Variants in ALPK1 observed in about 807,000 individuals in gnomAD.
ALPK1 encodes alpha kinase 1.
Under a neutral mutation model 120.6 loss-of-function variants are expected in ALPK1, and 110 were observed. The observed-to-expected ratio is 0.91, with a 90% CI of 0.78 to 1.07. The LOEUF (loss-of-function observed/expected upper bound fraction) is 1.07, where lower values mean the gene tolerates loss of function less well. ALPK1 is among the 50% of genes least tolerant of loss of function. ALPK1 has a pLI of 0.00. For synonymous variants in ALPK1, 582 were observed against 560.3 expected (o/e 1.04, Z -0.55); for missense variants, 1,498 against 1,483.9 (o/e 1.01, Z -0.16).
intron 1 of ALPK1, among the ~76,000 whole-genome samples, chr4:112,306,057 A>T: frequency 6.6e-6 from 1 of 151,990 alleles, no homozygotes; most frequent in East Asian, 1.9e-4. Context: ...ACATCTATTG[A>T]TTTATGTATG....
At chr4:112,365,156 G>A (rs562574459) in intron 2 of ALPK1, among the ~76,000 whole-genome samples, 1 of 151,996 alleles carries the variant, frequency 6.6e-6, no homozygotes, top group Non-Finnish European at 1.5e-5. Flanking sequence ...AGACAAAGAC[G>A]CCCACTTTCA....
At chr4:112,377,216 AT>A (rs1382577386) in intron 2 of ALPK1, among the ~76,000 whole-genome samples, 1 of 152,200 alleles carries the variant, frequency 6.6e-6, no homozygotes, top group East Asian at 1.9e-4. Context: ...TCCAAATTAT[AT>A]CATGCTAAAT....
intron 2 of ALPK1, among the ~76,000 whole-genome samples, chr4:112,355,426 G>A (rs1457671329): frequency 6.6e-6 from 1 of 152,116 alleles, no homozygotes; most frequent in Non-Finnish European, 1.5e-5. Context: ...GAAGAAGGAG[G>A]AGGTCAGGGC....
chr4:112,415,311 A>G (rs1578553259), intron 5 of ALPK1, among the ~76,000 whole-genome samples: 1 of 152,318 alleles, frequency 6.6e-6, no homozygotes, highest in African/African-American at 2.4e-5. Flanking sequence ...TCACAGGAAA[A>G]TATTCTTGGC....
intron 2 of ALPK1, among the ~76,000 whole-genome samples, chr4:112,321,647 C>T (rs752664599): frequency 6.6e-6 from 1 of 152,124 alleles, no homozygotes; most frequent in Non-Finnish European, 1.5e-5. Context: ...CATGTATTTG[C>T]ATACAACTAT....
intron 2 of ALPK1, chr4:112,358,748 C>A: frequency 1.3e-6 from 1 of 799,520 alleles, no homozygotes. Flanking sequence ...CGGAGGAGCC[C>A]GTGGCTGGTG....
At position 112,377,554 on chromosome 4, in the gene ALPK1, A is replaced by G. The variant is rs112723273; in HGVS notation, c.-100-124A>G. On this transcript the variant is annotated intron_variant, in intron 2 of 15. Transcript: ENST00000650871. ...CTGCAGTAATTTCACACACTCCTCT[A>G]ATAAAGTCCTCGGGGGCTGTCATGT... 1.5e-3 allele frequency: 515 copies of G among 334,872 alleles called. 2 individuals carry two copies. The highest frequency in any genetic ancestry group is 0.01 in the African/African-American group (484 of 47,006). The allele number at this position is 334,872 out of a possible 1,614,324, so 20.7% of individuals were successfully genotyped here.
intron 5 of ALPK1, among the ~76,000 whole-genome samples, chr4:112,421,868 A>C (rs1281871944): frequency 1.3e-5 from 2 of 152,226 alleles, no homozygotes; most frequent in Admixed American, 1.3e-4. Context: ...CAACTTTGGC[A>C]TATGAATTTT....
chr4:112,413,672 G>A (rs925453847), intron 5 of ALPK1, among the ~76,000 whole-genome samples: 19 of 152,214 alleles, frequency 1.2e-4, no homozygotes, highest in Admixed American at 2.0e-4. Context: ...ACCCACCTCG[G>A]CCTCCCAGAA....
rs1731726712 is a variant in ALPK1, at chr4:112,377,669, G to T, written c.-100-9G>T. On this transcript the variant is annotated splice_polypyrimidine_tract_variant and intron_variant, in intron 2 of 15. Coordinates refer to ENST00000650871, the MANE Select transcript of ALPK1 (RefSeq NM_025144.4). ...AGTTAATCATCTTTCCCTCTCTTTT[G>T]TTCACCAGGTACTTCGGCCTTCAAG... The T allele has an allele frequency of 2.0e-5, 21 of 1,068,654 alleles. No individual in the cohort carries two copies. Among genetic ancestry groups the T allele is most frequent in the Non-Finnish European group, 2.3e-5 (18 of 774,146 alleles). The allele number at this position is 1,068,654 out of a possible 1,614,324, so 66.2% of individuals were successfully genotyped here.
At chr4:112,374,160 T>C (rs1382479981) in intron 2 of ALPK1, among the ~76,000 whole-genome samples, 2 of 152,240 alleles carry the variant, frequency 1.3e-5, no homozygotes, top group Admixed American at 6.5e-5. Context: ...TCCTCTTAAA[T>C]CCCGCTGCTG....
intron 4 of ALPK1, among the ~76,000 whole-genome samples, chr4:112,396,642 A>G (rs1732663462): frequency 6.6e-6 from 1 of 152,196 alleles, no homozygotes; most frequent in African/African-American, 2.4e-5. Flanking sequence ...GATCTCAGAA[A>G]CTGATTTCAC....
chr4:112,325,610 A>G (rs890493412), intron 2 of ALPK1, among the ~76,000 whole-genome samples: 1 of 152,162 alleles, frequency 6.6e-6, no homozygotes. Context: ...CATAAAACTT[A>G]CGGGGCAATC....
chr4:112,404,546 A>G (rs1271301629), intron 4 of ALPK1, among the ~76,000 whole-genome samples: 1 of 152,252 alleles, frequency 6.6e-6, no homozygotes, highest in Non-Finnish European at 1.5e-5. Context: ...TTCATCTCAG[A>G]CATTATATCG....
Position 112,440,997 on chromosome 4 carries a change from A to C in ALPK1, c.3619A>C (p.Thr1207Pro), listed in dbSNP as rs1416650098. The stretch of plus-strand genomic sequence containing the variant: ...CTCCGTTGATCAGAAAGTTTTCACT[A>C]CCAATTTTGGAAAGAGAGGAATTTT... Reference protein sequence around the residue: ...IHSVDQKVFTTNFGKRGIFYF... With the variant: ...IHSVDQKVFTPNFGKRGIFYF... Residue 1207 changes from threonine (T) to proline (P), a missense_variant, in exon 15 of 16, where the codon ACC becomes CCC. By Grantham distance (38) the Thr-to-Pro change is conservative (BLOSUM62 -1). Transcript: ENST00000650871. 1 of 1,613,902 alleles carries C rather than the reference A, an allele frequency of 6.2e-7. No homozygotes were observed. The highest frequency in any genetic ancestry group is 2.2e-5 in the East Asian group (1 of 44,896).
At chr4:112,356,524 G>A (rs1411243935) in intron 2 of ALPK1, 2 of 860,160 alleles carry the variant, frequency 2.3e-6, no homozygotes, top group Non-Finnish European at 4.0e-6. Flanking sequence ...ACCTCCTACC[G>A]GCCTGAGGTG....
rs778803793 is a variant in ALPK1, at chr4:112,337,256, A to G, written c.-101+21404A>G. On this transcript the variant is annotated intron_variant, in intron 2 of 15. Coordinates refer to ENST00000650871, the MANE Select transcript of ALPK1 (RefSeq NM_025144.4). ...TTTGTCTCTCTTTTTACTTCTTTGAAATAAAAGCACATTTTATACTTCTTC... is the reference window on the plus strand; with the variant it reads ...TTTGTCTCTCTTTTTACTTCTTTGAGATAAAAGCACATTTTATACTTCTTC... Among the ~76,000 whole-genome samples, 36 of 152,298 alleles carry G rather than the reference A, an allele frequency of 2.4e-4. 1 individual carries two copies. The highest frequency in any genetic ancestry group is 2.3e-3 in the South Asian group (11 of 4,830).
At chr4:112,361,366 G>A (rs1730904484) in intron 2 of ALPK1, among the ~76,000 whole-genome samples, 1 of 152,190 alleles carries the variant, frequency 6.6e-6, no homozygotes, top group South Asian at 2.1e-4. Flanking sequence ...GTTGGGGGGA[G>A]GGGCACAGTG....
intron 2 of ALPK1, among the ~76,000 whole-genome samples, chr4:112,349,554 C>CCA (rs1553939361): frequency 7.1e-6 from 1 of 141,562 alleles, no homozygotes; most frequent in Non-Finnish European, 1.5e-5. Flanking sequence ...AACCCCTGCC[C>CCA]CCCCCCGCTT....
Sources: allele counts gnomAD v4.1 joint callset (sites outside exome capture counted in the v4.1 genomes callset), GRCh38; gene constraint gnomAD v4.1.1; transcripts MANE v1.5; gene names NCBI Gene and HGNC (gene_info 2026-07-23, HGNC 2026-07-21).